Variants in AGO1 observed in about 807,000 individuals in gnomAD.
The protein encoded by AGO1 is argonaute RISC component 1, also known as protein argonaute-1.
AGO1 carries 11 observed loss-of-function variants against 109.2 expected under a neutral mutation model. That is an observed-to-expected ratio of 0.10 (90% confidence interval 0.06 to 0.17). The LOEUF is 0.17. Among genes scored for constraint, AGO1 ranks in the 10% least tolerant of loss-of-function variants. The pLI, the probability that AGO1 is intolerant of heterozygous loss-of-function variation, is 1.00. For missense variants in AGO1, 574 were observed against 1,140.3 expected, an observed-to-expected ratio of 0.50 and a Z score of 7.15; for synonymous variants, 422 against 418.6, an observed-to-expected ratio of 1.01 and a Z score of -0.10.
At chr1:35,871,821 G>C (rs1021749173) in intron 1 of AGO1, among the ~76,000 whole-genome samples, 10 of 152,214 alleles carry the variant, frequency 6.6e-5, no homozygotes, top group Middle Eastern at 3.4e-3. Context: ...TGTAATCCCA[G>C]CACTTTGGGA....
At position 35,888,552 on chromosome 1, in the gene AGO1, G is replaced by T. The variant is rs773153331; in HGVS notation, c.151G>T (p.Asp51Tyr). 1.9e-6 allele frequency: 3 copies of T among 1,614,090 alleles called. No individual in the cohort carries two copies. The highest frequency in any genetic ancestry group is 2.5e-6 in the Non-Finnish European group (3 of 1,180,046). Reference sequence around the variant, plus strand: ...CTTTGAGGTGGACATCCCTAAGATCGACGTGTACCACTACGAGGTGGACAT... The same window carrying T: ...CTTTGAGGTGGACATCCCTAAGATCTACGTGTACCACTACGAGGTGGACAT... Reference protein sequence around the residue: ...NYFEVDIPKIDVYHYEVDIKP... With the variant: ...NYFEVDIPKIYVYHYEVDIKP... The change falls in exon 2 of 19, where the codon GAC becomes TAC. Residue 51 changes from aspartate (D) to tyrosine (Y), a missense_variant. Around this residue, in one of 8 missense-constraint regions of AGO1, gnomAD observed 89 missense variants for 109.6 expected, o/e 0.81. Transcript: ENST00000373204. This position sits in a 1 kb window ranked among gnomAD's most constrained non-coding sequence, Gnocchi z 4.1.
Position 35,919,674 on chromosome 1 carries a change from A to C in AGO1, c.*67A>C. ...CAAGCCCCAGGAGCTGTGCCACCCA[A>C]ATCCAGAGGAAGCAAGGAGGAGGGA... is the stretch of plus-strand genomic sequence containing the variant. On this transcript the variant is annotated 3_prime_UTR_variant, in exon 19 of 19. Transcript: ENST00000373204. The surrounding 1 kb of genome is among the most constrained non-coding windows in gnomAD (Gnocchi z 6.6). The C allele has an allele frequency of 6.8e-7, 1 of 1,463,548 alleles. No individual in the cohort carries two copies. The highest frequency in any genetic ancestry group is 1.2e-5 in the South Asian group (1 of 83,188). 90.7% of individuals were successfully genotyped at this position (1,463,548 alleles called of 1,614,324 possible). A position where few individuals can be genotyped will look rare whatever the true frequency, so the allele number is the denominator to read the frequency against.
intron 2 of AGO1, among the ~76,000 whole-genome samples, chr1:35,891,963 A>G (rs1467926199): frequency 6.6e-6 from 1 of 151,712 alleles, no homozygotes; most frequent in Non-Finnish European, 1.5e-5. Context: ...CTGTAACCCC[A>G]AACTCCCAGC....
chr1:35,873,205 G>A (rs1202950427), intron 1 of AGO1: 2 of 151,948 alleles, frequency 1.3e-5, no homozygotes, highest in Non-Finnish European at 2.9e-5. Flanking sequence ...CTGTTGACCA[G>A]TATTTTAGTT....
At chr1:35,902,132 C>T (rs746095244) in intron 10 of AGO1, 62 bp downstream of exon 10, 739 of 1,587,532 alleles carry the variant, frequency 4.7e-4, no homozygotes, top group Middle Eastern at 1.4e-3. Flanking sequence ...GTTGTATAGC[C>T]AGGGGCTTTT....
chr1:35,870,792 A>T (rs1056712689), intron 1 of AGO1, among the ~76,000 whole-genome samples: 2 of 152,134 alleles, frequency 1.3e-5, no homozygotes, highest in Admixed American at 1.3e-4. Context: ...ATTTGAGTTT[A>T]CCCTTGCTTT....
At position 35,919,352 on chromosome 1, in the gene AGO1, T is replaced by A; in HGVS notation, c.2465+98T>A. ...GTAGAAGGAAATGAGTGCTGTCCAA[T>A]TTGGTGTCATTGGGCTCGTCTGCCC... On this transcript the variant is annotated intron_variant, in intron 18 of 18. Transcript: ENST00000373204. The surrounding 1 kb of genome is among the most constrained non-coding windows in gnomAD (Gnocchi z 6.6). 6.7e-7 allele frequency: 1 copy of A among 1,484,262 alleles called. No individual in the cohort carries two copies. Among genetic ancestry groups the A allele is most frequent in the Non-Finnish European group, 9.2e-7 (1 of 1,090,564 alleles). The allele number at this position is 1,484,262 out of a possible 1,614,324, so 91.9% of individuals were successfully genotyped here.
chr1:35,889,375 A>C (rs371148790), intron 2 of AGO1, among the ~76,000 whole-genome samples: 1 of 151,362 alleles, frequency 6.6e-6, no homozygotes, highest in Non-Finnish European at 1.5e-5. Context: ...ATGCCTGGCT[A>C]ATTTTTTTGT....
chr1:35,878,650 G>A (rs761586354), upstream of AGO1, among the ~76,000 whole-genome samples: 1 of 152,018 alleles, frequency 6.6e-6, no homozygotes, highest in African/African-American at 2.4e-5. Flanking sequence ...CCAGGAACTC[G>A]GCCTCTTTCT....
At chr1:35,916,625 C>T (rs930682581) in intron 15 of AGO1, among the ~76,000 whole-genome samples, 4 of 152,244 alleles carry the variant, frequency 2.6e-5, no homozygotes, top group Admixed American at 1.3e-4. Context: ...GCCTTGGCCT[C>T]CCAAAGTGCT....
At chr1:35,908,781 C>G (rs1304719575) in intron 12 of AGO1, among the ~76,000 whole-genome samples, 1 of 149,852 alleles carries the variant, frequency 6.7e-6, no homozygotes, top group African/African-American at 2.5e-5. Flanking sequence ...ATGCCCTGCT[C>G]TTGATCCACA....
At chr1:35,907,166 G>A (rs1288290467) in intron 12 of AGO1, 47 bp downstream of exon 12, 1 of 1,535,390 alleles carries the variant, frequency 6.5e-7, no homozygotes, top group Admixed American at 1.9e-5. Context: ...ACTCTTCTCA[G>A]CGTAGTTCCC....
At chr1:35,917,282 T>C (rs1441233509) in intron 15 of AGO1, among the ~76,000 whole-genome samples, 2 of 152,218 alleles carry the variant, frequency 1.3e-5, no homozygotes, top group Non-Finnish European at 2.9e-5. Context: ...ATTGTGATTT[T>C]AGTGATTTCT....
chr1:35,885,608 C>T (rs960113541), intron 1 of AGO1, among the ~76,000 whole-genome samples: 9 of 152,134 alleles, frequency 5.9e-5, no homozygotes, highest in African/African-American at 1.7e-4. Flanking sequence ...AAAACTAAAG[C>T]GTTGTGTAAA....
At position 35,930,301 on chromosome 1, in the gene AGO1, A is replaced by C. The variant is rs937345012; in HGVS notation, c.*10694A>C. 4 of 152,174 alleles carry C rather than the reference A, an allele frequency of 2.6e-5. No individual in the cohort carries two copies. Among genetic ancestry groups the C allele is most frequent in the Non-Finnish European group, 5.9e-5 (4 of 68,038 alleles). The allele number at this position is 152,174 out of a possible 1,614,324, so 9.4% of individuals were successfully genotyped here. A position where few individuals can be genotyped will look rare whatever the true frequency, so the allele number is the denominator to read the frequency against. ...GAGACGCAAAAAAAAGCTGTGGGGTAGGGCGTAAGGGGAGGGTGGAGAAGA... is the reference window on the plus strand; with the variant it reads ...GAGACGCAAAAAAAAGCTGTGGGGTCGGGCGTAAGGGGAGGGTGGAGAAGA... On this transcript the variant is annotated 3_prime_UTR_variant, in exon 19 of 19. Coordinates refer to ENST00000373204, the MANE Select transcript of AGO1 (RefSeq NM_012199.5).
chr1:35,896,814 A>G (rs1645328796), intron 8 of AGO1, among the ~76,000 whole-genome samples: 1 of 152,242 alleles, frequency 6.6e-6, no homozygotes, highest in Non-Finnish European at 1.5e-5. Flanking sequence ...GTTAATAGCT[A>G]CTGATGCACA....
intron 17 of AGO1, 108 bp downstream of exon 17, chr1:35,918,531 C>T (rs1645775574): frequency 1.0e-6 from 1 of 952,462 alleles, no homozygotes; most frequent in Non-Finnish European, 1.7e-6. Flanking sequence ...ATTAGGATTG[C>T]TCTCTTTTCT....
chr1:35,887,683 C>T lies in AGO1; in HGVS notation c.26-744C>T, dbSNP rs761127393. 7.9e-5 allele frequency among the ~76,000 whole-genome samples: 12 copies of T among 152,204 alleles called. No individual in the cohort carries two copies. In the East Asian group the frequency reaches 2.1e-3, roughly 27 times the overall value. ...AGCTTTTTTTTTTATCATTGTCTCC[C>T]CAGTTGCTGCTTTGTTTCTTCCTGC... On this transcript the variant is annotated intron_variant, in intron 1 of 18. Transcript: ENST00000373204.
At chr1:35,918,586 C>A (rs555236112) in intron 17 of AGO1, among the ~76,000 whole-genome samples, 163 bp downstream of exon 17, 14 of 152,308 alleles carry the variant, frequency 9.2e-5, no homozygotes, top group Non-Finnish European at 1.8e-4. Context: ...CTCACTCTGT[C>A]CCCCAGGCTG....
Sources: gnomAD v4.1 joint callset for allele counts (sites outside exome capture counted in the v4.1 genomes callset) on GRCh38, gnomAD v4.1.1 for gene constraint, gnomAD v4.1.1 regional missense constraint, Gnocchi (gnomAD v3.1) non-coding constraint, MANE v1.5 for transcripts, NCBI Gene and HGNC (gene_info 2026-07-23, HGNC 2026-07-21) for gene names.